NANP: variants seen among roughly 807,000 people sequenced by gnomAD.
NANP encodes N-acetylneuraminic acid phosphatase, also known as N-acylneuraminate-9-phosphatase.
A neutral mutation model predicts 16.9 loss-of-function variants in NANP; 15 were observed. The observed-to-expected ratio is 0.89, with a 90% confidence interval of 0.59 to 1.37. The LOEUF (loss-of-function observed/expected upper bound fraction) is 1.37. Ranked by LOEUF, NANP falls within the 40% of genes most tolerant of loss-of-function variation. The pLI is 0.00. For missense variants in NANP, 290 were observed against 303.5 expected (o/e 0.96, Z 0.33); for synonymous variants, 135 against 112.6 (o/e 1.20, Z -1.26).
Position 25,613,331 on chromosome 20 carries a change from C to G in NANP, c.*2594G>C, listed in dbSNP as rs1361962986. 6.6e-6 allele frequency: 1 copy of G among 152,388 alleles called. No homozygotes were observed. Among genetic ancestry groups the G allele is most frequent in the Non-Finnish European group, 1.5e-5 (1 of 68,212 alleles). 9.4% of individuals were successfully genotyped at this position (152,388 alleles called of 1,614,324 possible). ...GAGCATCCACTGGGTCCTGGGCACT[C>G]CCAGATCTGAGATGTTCGTGCCTTG... On this transcript the variant is annotated 3_prime_UTR_variant, in exon 2 of 2. Transcript: ENST00000304788.
In NANP at chr20:25,613,872, C is replaced by T. The variant is rs1404823854; in HGVS notation, c.*2053G>A. 4 of 398,454 alleles carry T rather than the reference C, an allele frequency of 1.0e-5. No individual in the cohort carries two copies. The highest frequency in any genetic ancestry group is 1.8e-5 in the Non-Finnish European group (4 of 226,044). 24.7% of individuals were successfully genotyped at this position (398,454 alleles called of 1,614,324 possible). A position where few individuals can be genotyped will look rare whatever the true frequency, so the allele number is the denominator to read the frequency against. On this transcript the variant is annotated 3_prime_UTR_variant, in exon 2 of 2. Coordinates refer to ENST00000304788, the MANE Select transcript of NANP (RefSeq NM_152667.3). ...CACTCTCAGCATAATGAATGTGACA[C>T]TGCCTACATCCATCCTGTGGGAGAG...
intron 1 of NANP, among the ~76,000 whole-genome samples, chr20:25,619,263 A>G (rs1319145804): frequency 1.3e-5 from 2 of 151,922 alleles, no homozygotes; most frequent in East Asian, 3.9e-4. Flanking sequence ...AGCTAGAACT[A>G]CAACTGCACA....
At position 25,616,241 on chromosome 20, in the gene NANP, G is replaced by C; in HGVS notation, c.431C>G (p.Ala144Gly). The C allele has an allele frequency of 6.2e-7, 1 of 1,614,166 alleles. No individual in the cohort carries two copies. The highest frequency in any genetic ancestry group is 1.3e-5 in the African/African-American group (1 of 75,056). The change falls in exon 2 of 2, where the codon GCT (alanine) becomes GGT (glycine). Residue 144 changes from alanine (A) to glycine (G), a missense_variant. Physicochemically the swap from Ala to Gly is moderately conservative, Grantham distance 60 (BLOSUM62 0). Transcript: ENST00000304788. ...GTCAAAATAGGACTGACAGGCACAA[G>C]CCTCAATCTTCTCCCTCTGGGTCTG... Reference protein sequence around the residue: ...DRQTQREKIEACACQSYFDAV... With the variant: ...DRQTQREKIEGCACQSYFDAV...
At chr20:25,618,637 C>T (rs146126251) in intron 1 of NANP, among the ~76,000 whole-genome samples, 258 of 152,172 alleles carry the variant, frequency 1.7e-3, no homozygotes, top group Middle Eastern at 6.8e-3. Context: ...TCTATACACA[C>T]AGGATGGGGC....
chr20:25,614,132 G>A lies in NANP; in HGVS notation c.*1793C>T, dbSNP rs1213269170. On this transcript the variant is annotated 3_prime_UTR_variant, in exon 2 of 2. Transcript: ENST00000304788. Reference sequence around the variant, plus strand: ...AATCACATTTTTAAAAATCTAGAGCGAAAAGTAAACACGAAAGGGCATTTG... The same window carrying A: ...AATCACATTTTTAAAAATCTAGAGCAAAAAGTAAACACGAAAGGGCATTTG... The A allele has an allele frequency of 4.2e-5, 13 of 310,456 alleles. No individual in the cohort carries two copies. Among genetic ancestry groups the A allele is most frequent in the East Asian group, 2.1e-4 (4 of 19,210 alleles). The allele number at this position is 310,456 out of a possible 1,614,324, so 19.2% of individuals were successfully genotyped here. A position where few individuals can be genotyped will look rare whatever the true frequency, so the allele number is the denominator to read the frequency against.
intron 1 of NANP, among the ~76,000 whole-genome samples, chr20:25,623,340 C>T (rs2065374608): frequency 6.6e-6 from 1 of 152,224 alleles, no homozygotes; most frequent in African/African-American, 2.4e-5. Flanking sequence ...AGTTCTGCGG[C>T]GACAATTCTC....
intron 1 of NANP, among the ~76,000 whole-genome samples, chr20:25,620,369 T>C (rs1022781971): frequency 2.8e-4 from 42 of 152,308 alleles, no homozygotes; most frequent in African/African-American, 1.0e-3. Context: ...TATCCGTTAG[T>C]AGATCAATAT....
chr20:25,618,125 T>G (rs1419388959), intron 1 of NANP, among the ~76,000 whole-genome samples: 1 of 146,204 alleles, frequency 6.8e-6, no homozygotes, highest in Non-Finnish European at 1.5e-5. Flanking sequence ...TGTTAAGCAC[T>G]AGAGACTGGC....
Position 25,623,890 on chromosome 20 carries a change from G to C in NANP, c.59C>G (p.Thr20Arg), listed in dbSNP as rs1172426609. The change falls in exon 1 of 2, where the codon ACG (threonine) becomes AGG (arginine). Residue 20 changes from threonine to arginine, a missense_variant. Transcript: ENST00000304788. ...CATGCCTCTCCTGCTCGCCCCGGCC[G>C]TGTCGATGAGAGTGTTGTCCAAGTC... ...FFDLDNTLID[T>R]AGASRRGMLE... 6.2e-7 allele frequency: 1 copy of C among 1,613,702 alleles called. No individual in the cohort carries two copies. The highest frequency in any genetic ancestry group is 2.2e-5 in the East Asian group (1 of 44,838).
In NANP at chr20:25,618,791, C is replaced by T. The variant is rs6050713; in HGVS notation, c.91-2210G>A. 3.8e-3 allele frequency among the ~76,000 whole-genome samples: 581 copies of T among 152,232 alleles called. 5 individuals are homozygous for T. Among genetic ancestry groups the T allele is most frequent in the African/African-American group, 0.013 (559 of 41,534 alleles). On this transcript the variant is annotated intron_variant, in intron 1 of 1. Coordinates refer to ENST00000304788, the MANE Select transcript of NANP (RefSeq NM_152667.3). ...CCCAGAAATCTCCAGCTGCTCACAG[C>T]AGTAACCTGGTCATTAAGCTGCTCT...
Position 25,613,499 on chromosome 20 carries a change from G to A in NANP, c.*2426C>T, listed in dbSNP as rs2065330178. On this transcript the variant is annotated 3_prime_UTR_variant, in exon 2 of 2. Transcript: ENST00000304788. Reference sequence around the variant, plus strand: ...GCTTTGTGTGAGAAGGCCACTACAGGGAAACTTTGAAAAAAAATAAAGATG... The same window carrying A: ...GCTTTGTGTGAGAAGGCCACTACAGAGAAACTTTGAAAAAAAATAAAGATG... The A allele has an allele frequency of 4.8e-6, 1 of 208,384 alleles. No individual in the cohort carries two copies. The highest frequency in any genetic ancestry group is 9.6e-5 in the East Asian group (1 of 10,410). The allele number at this position is 208,384 out of a possible 1,614,324, so 12.9% of individuals were successfully genotyped here.
At chr20:25,622,797 G>A (rs1360467937) in intron 1 of NANP, among the ~76,000 whole-genome samples, 1 of 152,164 alleles carries the variant, frequency 6.6e-6, no homozygotes, top group Admixed American at 6.5e-5. Context: ...ACATTACGAT[G>A]GATTTAGTAA....
At chr20:25,617,356 C>T (rs1160038695) in intron 1 of NANP, among the ~76,000 whole-genome samples, 1 of 152,066 alleles carries the variant, frequency 6.6e-6, no homozygotes, top group African/African-American at 2.4e-5. Context: ...GGATTACAGG[C>T]GCCCACCACG....
intron 1 of NANP, among the ~76,000 whole-genome samples, chr20:25,622,282 A>T (rs2065367811): frequency 6.6e-6 from 1 of 152,248 alleles, no homozygotes; most frequent in Non-Finnish European, 1.5e-5. Context: ...GGGCATGTGC[A>T]GTGGTGGACA....
rs73339381 is a variant in NANP, at chr20:25,620,835, T to C, written c.90+3024A>G. ...GATAGAGGCCCCCCTTTTTTTTTTTTCCATTAAATGAAGGTAGCCAGGAGG... is the reference window on the plus strand; with the variant it reads ...GATAGAGGCCCCCCTTTTTTTTTTTCCCATTAAATGAAGGTAGCCAGGAGG... On this transcript the variant is annotated intron_variant, in intron 1 of 1. Coordinates refer to ENST00000304788, the MANE Select transcript of NANP (RefSeq NM_152667.3). Among the ~76,000 whole-genome samples the C allele has an allele frequency of 6.9e-3, 1,043 of 151,614 alleles. 19 individuals carry two copies. The highest frequency in any genetic ancestry group is 0.024 in the African/African-American group (993 of 41,408).
At chr20:25,619,404 G>C (rs1043996964) in intron 1 of NANP, among the ~76,000 whole-genome samples, 11 of 151,914 alleles carry the variant, frequency 7.2e-5, no homozygotes, top group African/African-American at 2.7e-4. Flanking sequence ...TTACAGGTGT[G>C]AGCCACCGTG....
chr20:25,621,832 C>A (rs1204337175), intron 1 of NANP, among the ~76,000 whole-genome samples: 1 of 152,186 alleles, frequency 6.6e-6, no homozygotes, highest in Non-Finnish European at 1.5e-5. Context: ...GGATTACAGG[C>A]GTGAGCCACC....
chr20:25,621,964 TG>T (rs1250466827), intron 1 of NANP, among the ~76,000 whole-genome samples: 3 of 151,044 alleles, frequency 2.0e-5, no homozygotes, highest in African/African-American at 7.4e-5. Context: ...ACATTTGCCA[TG>T]TGTCAAACGA....
intron 1 of NANP, among the ~76,000 whole-genome samples, chr20:25,622,521 T>C (rs1213005956): frequency 1.3e-5 from 2 of 152,208 alleles, no homozygotes; most frequent in East Asian, 1.9e-4. Context: ...ACAGCAAGAA[T>C]TGGCCTAAAG....
Sources: allele counts gnomAD v4.1 joint callset (sites outside exome capture counted in the v4.1 genomes callset), GRCh38; gene constraint gnomAD v4.1.1; transcripts MANE v1.5; gene names NCBI Gene and HGNC (gene_info 2026-07-23, HGNC 2026-07-21).